XKR4: variants seen among roughly 807,000 people sequenced by gnomAD.
XKR4 encodes the protein XK related 4.
Under a neutral mutation model 53.9 loss-of-function variants are expected in XKR4, and 12 were observed. The ratio of observed to expected loss-of-function variants is 0.22; its 90% CI spans 0.14 to 0.36. XKR4 has a LOEUF of 0.36. Among genes scored for constraint, XKR4 ranks in the 10% least tolerant of loss-of-function variants. The pLI, the probability that XKR4 is intolerant of heterozygous loss-of-function variation, is 1.00. For missense variants in XKR4, 799 were observed against 859.5 expected (o/e 0.93, Z 0.88); for synonymous variants, 354 against 362.4 (o/e 0.98, Z 0.26).
rs974050551 is a variant in XKR4 at position 55,269,753 on chromosome 8, A to G, written c.807-87925A>G. ...GCCCAAAAGCTCAGACTGAGTTGAC[A>G]AAACCTCAAAGGAATCCTGGAATAT... is the stretch of plus-strand genomic sequence containing the variant. On this transcript the variant is annotated intron_variant, in intron 1 of 2. Transcript: ENST00000327381. Among the ~76,000 whole-genome samples the G allele has an allele frequency of 3.0e-4, 45 of 152,212 alleles. 4 individuals are homozygous for G.
intron 1 of XKR4, among the ~76,000 whole-genome samples, chr8:55,170,887 G>A (rs545992339): frequency 6.0e-4 from 92 of 152,200 alleles, no homozygotes; most frequent in African/African-American, 1.9e-3. Context: ...TAGTCTGCCC[G>A]TCCAACCTCA....
At chr8:55,316,270 G>C (rs1819474419) in intron 1 of XKR4, among the ~76,000 whole-genome samples, 3 of 152,122 alleles carry the variant, frequency 2.0e-5, no homozygotes, top group Non-Finnish European at 4.4e-5. Context: ...TCCACATCTT[G>C]TGACCAGTAG....
At chr8:55,152,241 A>G (rs1816849130) in intron 1 of XKR4, among the ~76,000 whole-genome samples, 1 of 152,210 alleles carries the variant, frequency 6.6e-6, no homozygotes, top group Non-Finnish European at 1.5e-5. Flanking sequence ...CAGATTCACC[A>G]GAGGTTAATG....
chr8:55,478,131 T>G (rs1433095846), intron 2 of XKR4, among the ~76,000 whole-genome samples: 1 of 151,598 alleles, frequency 6.6e-6, no homozygotes, highest in African/African-American at 2.4e-5. Flanking sequence ...AAGGAAAAAA[T>G]GTTAAGGGCA....
intron 2 of XKR4, among the ~76,000 whole-genome samples, chr8:55,516,498 G>A (rs1013133617): frequency 6.6e-6 from 1 of 152,154 alleles, no homozygotes; most frequent in Admixed American, 6.5e-5. Context: ...CAGAAAGGAC[G>A]AAGAAATGGG....
chr8:55,156,664 C>T (rs1159346471), intron 1 of XKR4, among the ~76,000 whole-genome samples: 1 of 151,776 alleles, frequency 6.6e-6, no homozygotes, highest in Admixed American at 6.6e-5. Flanking sequence ...GTTTTTTTTC[C>T]CCCATTGTAA....
At chr8:55,106,348 A>G (rs765017842) in intron 1 of XKR4, among the ~76,000 whole-genome samples, 1 of 152,180 alleles carries the variant, frequency 6.6e-6, no homozygotes, top group African/African-American at 2.4e-5. Flanking sequence ...TATTCATTTT[A>G]ATTAAAGTTT....
chr8:55,369,344 AGAAAG>A (rs1188923513), intron 2 of XKR4, among the ~76,000 whole-genome samples: 2 of 121,234 alleles, frequency 1.6e-5, no homozygotes, highest in Admixed American at 9.4e-5. Flanking sequence ...CATGATGCTG[AGAAAG>A]GAAAGGGAAG....
At chr8:55,488,529 G>A (rs546557209) in intron 2 of XKR4, among the ~76,000 whole-genome samples, 9 of 152,294 alleles carry the variant, frequency 5.9e-5, no homozygotes, top group African/African-American at 2.2e-4. Flanking sequence ...TCAAGCCACA[G>A]AAAGACTTGG....
intron 2 of XKR4, chr8:55,454,039 G>A (rs1331997560): frequency 4.5e-6 from 4 of 893,672 alleles, no homozygotes; most frequent in Admixed American, 1.9e-5. Context: ...ACCAGAGATA[G>A]CCCTGCAGCA....
At chr8:55,501,458 T>G (rs1027797753) in intron 2 of XKR4, among the ~76,000 whole-genome samples, 1 of 145,368 alleles carries the variant, frequency 6.9e-6, no homozygotes, top group Non-Finnish European at 1.5e-5. Context: ...AACTGTTAAT[T>G]CTCCCCTCAC....
intron 1 of XKR4, among the ~76,000 whole-genome samples, chr8:55,263,772 A>T (rs982603900): frequency 6.6e-6 from 1 of 152,182 alleles, no homozygotes; most frequent in Non-Finnish European, 1.5e-5. Flanking sequence ...AACACTTGGG[A>T]ATCAACGTCT....
At chr8:55,265,482 G>C (rs968066404) in intron 1 of XKR4, among the ~76,000 whole-genome samples, 7 of 152,266 alleles carry the variant, frequency 4.6e-5, no homozygotes, top group African/African-American at 1.7e-4. Flanking sequence ...AGCTGGGTTT[G>C]GCAGATGGGG....
At chr8:55,464,769 A>G (rs1450082177) in intron 2 of XKR4, among the ~76,000 whole-genome samples, 1 of 152,208 alleles carries the variant, frequency 6.6e-6, no homozygotes. Flanking sequence ...CCTTAAGCTG[A>G]TAAGCAACTT....
chr8:55,413,713 T>C (rs1445496885), intron 2 of XKR4, among the ~76,000 whole-genome samples: 1 of 152,226 alleles, frequency 6.6e-6, no homozygotes, highest in Non-Finnish European at 1.5e-5. Flanking sequence ...ACCAGAGAGA[T>C]GCATTTTGCC....
intron 1 of XKR4, among the ~76,000 whole-genome samples, chr8:55,262,038 G>A (rs561732870): frequency 5.3e-5 from 8 of 152,146 alleles, no homozygotes; most frequent in South Asian, 2.1e-4. Context: ...AGGTTGAGAC[G>A]AACTTTTCCC....
chr8:55,509,679 G>C (rs1403848786), intron 2 of XKR4, among the ~76,000 whole-genome samples: 1 of 152,132 alleles, frequency 6.6e-6, no homozygotes, highest in Non-Finnish European at 1.5e-5. Flanking sequence ...AGAAAAGATT[G>C]GCTGGACTGG....
rs1344656307 is a variant in XKR4 at position 55,480,763 on chromosome 8, C to CAA, written c.1007-42517_1007-42516insAA. On this transcript the variant is annotated intron_variant, in intron 2 of 2. Transcript: ENST00000327381. ...AGCATTCTTATACACCAAAAACAGA[C>CAA]AGAGAGCCAAATCATGAGTGAACTC... 2.2e-5 allele frequency among the ~76,000 whole-genome samples: 3 copies of CAA among 138,000 alleles called. 1 individual carries two copies. The highest frequency in any genetic ancestry group is 9.4e-5 in the African/African-American group (3 of 31,878). The allele number at this position is 138,000 out of a possible 152,430, so 90.5% of individuals were successfully genotyped here. A position where few individuals can be genotyped will look rare whatever the true frequency, so the allele number is the denominator to read the frequency against.
intron 1 of XKR4, among the ~76,000 whole-genome samples, chr8:55,219,896 A>G (rs1189420735): frequency 2.0e-5 from 3 of 152,184 alleles, no homozygotes; most frequent in Admixed American, 1.3e-4. Context: ...TGTTTCACAT[A>G]TATATACTCC....
Sources: gnomAD v4.1 joint callset for allele counts (sites outside exome capture counted in the v4.1 genomes callset) on GRCh38, gnomAD v4.1.1 for gene constraint, MANE v1.5 for transcripts, NCBI Gene and HGNC (gene_info 2026-07-23, HGNC 2026-07-21) for gene names.